MGAT4C: variants seen among roughly 807,000 people sequenced by gnomAD.
The protein encoded by MGAT4C is alpha-1,3-mannosyl-glycoprotein 4-beta-N-acetylglucosaminyltransferase C.
In MGAT4C, 19 loss-of-function variants were observed where a neutral mutation model predicts 40.1. The ratio of observed to expected loss-of-function variants is 0.47; its 90% CI spans 0.33 to 0.70. The LOEUF is 0.70. Ranked by LOEUF, MGAT4C falls within the 30% of genes least tolerant of loss-of-function variation. MGAT4C has a pLI of 0.02. For missense variants in MGAT4C, 491 were observed against 563.2 expected (o/e 0.87, Z 1.30); for synonymous variants, 181 against 187.1 (o/e 0.97, Z 0.27).
chr12:86,525,595 C>T (rs1162233812), intron 2 of MGAT4C, among the ~76,000 whole-genome samples: 1 of 152,150 alleles, frequency 6.6e-6, no homozygotes, highest in Non-Finnish European at 1.5e-5. Context: ...TTTGAAGTTG[C>T]TGACCTTTGC....
chr12:86,501,024 G>C (rs1188422331), intron 2 of MGAT4C, among the ~76,000 whole-genome samples: 1 of 151,978 alleles, frequency 6.6e-6, no homozygotes, highest in Admixed American at 6.6e-5. Flanking sequence ...ATACTGCCTT[G>C]ATGGGAGTTC....
At chr12:86,235,830 T>G (rs1951513895) in intron 1 of MGAT4C, among the ~76,000 whole-genome samples, 1 of 152,076 alleles carries the variant, frequency 6.6e-6, no homozygotes, top group African/African-American at 2.4e-5. Context: ...TCTTACTTAT[T>G]GTTATTGTCC....
At chr12:86,593,220 C>A (rs996808902) in intron 2 of MGAT4C, among the ~76,000 whole-genome samples, 1 of 151,940 alleles carries the variant, frequency 6.6e-6, no homozygotes, top group African/African-American at 2.4e-5. Context: ...TCAGGAAGTT[C>A]AGAGCAATGT....
intron 2 of MGAT4C, among the ~76,000 whole-genome samples, chr12:86,713,398 T>G (rs1396777085): frequency 1.3e-5 from 2 of 152,122 alleles, no homozygotes; most frequent in Admixed American, 6.6e-5. Flanking sequence ...TGAGGATGTA[T>G]CATCTTATTC....
At chr12:86,428,001 C>T (rs1289063217) in intron 3 of MGAT4C, among the ~76,000 whole-genome samples, 1 of 151,886 alleles carries the variant, frequency 6.6e-6, no homozygotes, top group East Asian at 1.9e-4. Flanking sequence ...GCCAGGGAGA[C>T]AGAGCGAGAG....
intron 1 of MGAT4C, among the ~76,000 whole-genome samples, chr12:86,737,018 A>C (rs950620213): frequency 6.7e-6 from 1 of 149,926 alleles, no homozygotes; most frequent in Non-Finnish European, 1.5e-5. Context: ...ATTCTATAAA[A>C]AAAAAAAAAA....
intron 1 of MGAT4C, among the ~76,000 whole-genome samples, chr12:86,173,420 T>C (rs1887059587): frequency 6.6e-6 from 1 of 152,126 alleles, no homozygotes; most frequent in Admixed American, 6.5e-5. Flanking sequence ...ATGCCCATAA[T>C]AGAACAACTA....
chr12:86,752,490 C>T (rs190933502), intron 1 of MGAT4C, among the ~76,000 whole-genome samples: 4,997 of 152,054 alleles, frequency 0.033, 273 homozygotes, highest in African/African-American at 0.11. Flanking sequence ...TTTAGATTTT[C>T]ATAATAGTTC....
intron 1 of MGAT4C, among the ~76,000 whole-genome samples, chr12:86,755,703 A>G (rs1035448213): frequency 9.3e-5 from 14 of 150,266 alleles, no homozygotes; most frequent in African/African-American, 3.4e-4. Flanking sequence ...GCTGGAGTGC[A>G]ATAGTGCCAT....
At chr12:86,814,664 A>C (rs1267528128) in intron 1 of MGAT4C, among the ~76,000 whole-genome samples, 2 of 151,936 alleles carry the variant, frequency 1.3e-5, no homozygotes, top group African/African-American at 4.8e-5. Context: ...TTGAAATCTA[A>C]TCACAATGTG....
intron 1 of MGAT4C, among the ~76,000 whole-genome samples, chr12:86,251,168 C>A (rs1212138434): frequency 6.9e-6 from 1 of 143,896 alleles, no homozygotes; most frequent in Non-Finnish European, 1.5e-5. Flanking sequence ...GGCATGAAGA[C>A]TGAAAAGGGT....
intron 2 of MGAT4C, among the ~76,000 whole-genome samples, chr12:86,467,408 T>G (rs1957697245): frequency 6.6e-6 from 1 of 152,150 alleles, no homozygotes; most frequent in African/African-American, 2.4e-5. Context: ...CGTTAGCATT[T>G]GAGAATACCT....
intron 2 of MGAT4C, among the ~76,000 whole-genome samples, chr12:86,590,885 C>T (rs1357267629): frequency 6.6e-6 from 1 of 151,860 alleles, no homozygotes; most frequent in African/African-American, 2.4e-5. Context: ...TAATCAGATA[C>T]AAATGATTTA....
intron 2 of MGAT4C, among the ~76,000 whole-genome samples, chr12:86,664,539 A>C (rs527824446): frequency 6.6e-6 from 1 of 152,302 alleles, no homozygotes; most frequent in African/African-American, 2.4e-5. Context: ...TAGTTTGTGT[A>C]GAAGCATCAT....
At chr12:86,446,022 A>C (rs1010739989) in intron 2 of MGAT4C, among the ~76,000 whole-genome samples, 2 of 152,034 alleles carry the variant, frequency 1.3e-5, no homozygotes, top group African/African-American at 4.8e-5. Flanking sequence ...AGAATTTGCA[A>C]TTTCTGAATA....
chr12:86,381,407 C>T (rs868723802), intron 3 of MGAT4C, among the ~76,000 whole-genome samples: 35 of 152,162 alleles, frequency 2.3e-4, no homozygotes, highest in African/African-American at 7.9e-4. Flanking sequence ...CCTTACGACC[C>T]GGGGAGGTCT....
intron 2 of MGAT4C, among the ~76,000 whole-genome samples, chr12:86,606,938 A>C (rs1962065212): frequency 6.6e-6 from 1 of 152,130 alleles, no homozygotes; most frequent in South Asian, 2.1e-4. Flanking sequence ...AATAATTCAT[A>C]AAATGATTTA....
At chr12:86,762,311 A>T (rs1951421923) in intron 1 of MGAT4C, among the ~76,000 whole-genome samples, 1 of 152,034 alleles carries the variant, frequency 6.6e-6, no homozygotes, top group African/African-American at 2.4e-5. Context: ...TCAGCCTCCC[A>T]AAACTCTGGG....
intron 1 of MGAT4C, among the ~76,000 whole-genome samples, chr12:86,209,835 A>G (rs1269374506): frequency 6.6e-6 from 1 of 152,186 alleles, no homozygotes; most frequent in African/African-American, 2.4e-5. Context: ...ACAATTATCC[A>G]AAAAGAAGAT....
Sources: gnomAD v4.1 joint callset for allele counts (sites outside exome capture counted in the v4.1 genomes callset) on GRCh38, gnomAD v4.1.1 for gene constraint, MANE v1.5 for transcripts, NCBI Gene and HGNC (gene_info 2026-07-23, HGNC 2026-07-21) for gene names.